Variants in KCNIP4 observed in about 807,000 individuals in gnomAD.
KCNIP4 encodes potassium voltage-gated channel interacting protein 4, also known as Kv channel-interacting protein 4.
In KCNIP4, 12 loss-of-function variants were observed where a neutral mutation model predicts 34.0. That is an observed-to-expected ratio of 0.35 (90% CI 0.23 to 0.57). The LOEUF is 0.57. Ranked by LOEUF, KCNIP4 falls within the 20% of genes least tolerant of loss-of-function variation. KCNIP4 has a pLI of 0.83. For missense variants in KCNIP4, 238 were observed against 311.7 expected, an observed-to-expected ratio of 0.76 and a Z score of 1.78; for synonymous variants, 124 against 102.2, an observed-to-expected ratio of 1.21 and a Z score of -1.29.
At chr4:21,263,544 G>A (rs1334622266) in intron 1 of KCNIP4, among the ~76,000 whole-genome samples, 1 of 152,188 alleles carries the variant, frequency 6.6e-6, no homozygotes, top group Non-Finnish European at 1.5e-5. Flanking sequence ...ACTTATTTGA[G>A]CCACTACTCA....
At chr4:21,870,874 C>T (rs1158919604) in intron 1 of KCNIP4, among the ~76,000 whole-genome samples, 2 of 152,032 alleles carry the variant, frequency 1.3e-5, no homozygotes, top group African/African-American at 4.8e-5. Context: ...CAAGATGAGG[C>T]ACATGAAGCA....
At chr4:21,843,524 T>C (rs1723817747) in intron 1 of KCNIP4, 1 of 152,034 alleles carries the variant, frequency 6.6e-6, no homozygotes, top group Non-Finnish European at 1.5e-5. Flanking sequence ...AAGTGGGTCA[T>C]AAGACCCTCA....
intron 1 of KCNIP4, among the ~76,000 whole-genome samples, chr4:21,078,949 C>A (rs146328275): frequency 6.6e-6 from 1 of 152,236 alleles, no homozygotes; most frequent in African/African-American, 2.4e-5. Context: ...TCCTCTTTCA[C>A]TCCATGCTTT....
At chr4:21,947,577 C>T (rs1730577116) in intron 1 of KCNIP4, among the ~76,000 whole-genome samples, 1 of 152,176 alleles carries the variant, frequency 6.6e-6, no homozygotes, top group Non-Finnish European at 1.5e-5. Flanking sequence ...GTTGAGGTGA[C>T]TCCATTTCCC....
chr4:20,771,989 G>T (rs1197917852), intron 3 of KCNIP4, among the ~76,000 whole-genome samples: 1 of 152,126 alleles, frequency 6.6e-6, no homozygotes, highest in East Asian at 1.9e-4. Flanking sequence ...TAAATTTAAT[G>T]ATCATTCGTG....
intron 1 of KCNIP4, among the ~76,000 whole-genome samples, chr4:21,177,819 G>C (rs12501891): frequency 6.7e-6 from 1 of 150,012 alleles, no homozygotes; most frequent in Non-Finnish European, 1.5e-5. Context: ...TTGCACTCCA[G>C]GCTGGGCAAC....
chr4:21,808,543 T>G (rs1328046077), intron 1 of KCNIP4, among the ~76,000 whole-genome samples: 2 of 152,212 alleles, frequency 1.3e-5, no homozygotes, highest in African/African-American at 4.8e-5. Context: ...TTATGTCATC[T>G]GCAAAGCTTC....
intron 1 of KCNIP4, among the ~76,000 whole-genome samples, chr4:21,632,793 G>A (rs966320723): frequency 3.3e-5 from 5 of 152,236 alleles, no homozygotes; most frequent in East Asian, 3.9e-4. Context: ...AGGAGATGGA[G>A]GTCCAGCGTA....
At chr4:21,715,046 T>A (rs373666984) in intron 1 of KCNIP4, among the ~76,000 whole-genome samples, 1 of 15,920 alleles carries the variant, frequency 6.3e-5, no homozygotes, top group Non-Finnish European at 8.4e-5. Context: ...TTTATTTTAT[T>A]TTATTTTATT....
intron 5 of KCNIP4, among the ~76,000 whole-genome samples, chr4:20,740,550 G>A (rs1750816764): frequency 2.0e-5 from 3 of 152,144 alleles, no homozygotes; most frequent in African/African-American, 7.2e-5. Context: ...CGCCAGGCCT[G>A]CCTTACAAGA....
At chr4:21,836,736 C>A (rs1407940001) in intron 1 of KCNIP4, among the ~76,000 whole-genome samples, 1 of 151,926 alleles carries the variant, frequency 6.6e-6, no homozygotes. Context: ...CCCAGAAGAG[C>A]CCAGCAAATG....
chr4:21,743,123 A>T (rs1054820357), intron 1 of KCNIP4, among the ~76,000 whole-genome samples: 4 of 152,190 alleles, frequency 2.6e-5, no homozygotes, highest in African/African-American at 4.8e-5. Flanking sequence ...TACTGTAATG[A>T]ATTATCACAA....
At chr4:21,230,734 G>A (rs1013999258) in intron 1 of KCNIP4, among the ~76,000 whole-genome samples, 2 of 152,098 alleles carry the variant, frequency 1.3e-5, no homozygotes, top group Non-Finnish European at 2.9e-5. Flanking sequence ...TGCTGTATAT[G>A]TACCACATTT....
chr4:20,864,070 A>G (rs572250292), intron 2 of KCNIP4, among the ~76,000 whole-genome samples: 1 of 151,498 alleles, frequency 6.6e-6, no homozygotes, highest in South Asian at 2.1e-4. Flanking sequence ...ATGTATGTAT[A>G]CGTATGTATG....
chr4:21,079,367 G>A lies in KCNIP4; in HGVS notation c.62-196658C>T, dbSNP rs888840932. On this transcript the variant is annotated intron_variant, in intron 1 of 8. Coordinates refer to ENST00000382152, the MANE Select transcript of KCNIP4 (RefSeq NM_025221.6). ...AGATTATATATTTAAAATTAGTTGG[G>A]AAACATAACTATCCTACTGTTAAAC... Among the ~76,000 whole-genome samples the A allele has an allele frequency of 8.6e-5, 13 of 152,020 alleles. No individual in the cohort carries two copies. In the East Asian group the frequency reaches 2.5e-3, roughly 29 times the overall value.
chr4:21,836,368 C>G (rs894479681), intron 1 of KCNIP4, among the ~76,000 whole-genome samples: 1 of 152,192 alleles, frequency 6.6e-6, no homozygotes, highest in African/African-American at 2.4e-5. Flanking sequence ...GAGATAATTG[C>G]CTCTCCACTA....
rs71655619 is a variant in KCNIP4, at chr4:21,193,571, A to ATTTTTTTT, written c.62-310870_62-310863dup. On this transcript the variant is annotated intron_variant, in intron 1 of 8. Transcript: ENST00000382152. ...TATGGATCACTTATTGCAATTTTAAATTTTTTTTTTTTTTTTTTTTGAGAC... is the reference window on the plus strand; with the variant it reads ...TATGGATCACTTATTGCAATTTTAAATTTTTTTTTTTTTTTTTTTTTTTTTTTTGAGAC... Among the ~76,000 whole-genome samples, 207 of 119,218 alleles carry ATTTTTTTT rather than the reference A, an allele frequency of 1.7e-3. 6 individuals carry two copies. The highest frequency in any genetic ancestry group is 6.2e-3 in the African/African-American group (173 of 28,024). The allele number at this position is 119,218 out of a possible 152,430, so 78.2% of individuals were successfully genotyped here. A position where few individuals can be genotyped will look rare whatever the true frequency, so the allele number is the denominator to read the frequency against.
chr4:21,075,910 C>G (rs545538118), intron 1 of KCNIP4, among the ~76,000 whole-genome samples: 21 of 152,230 alleles, frequency 1.4e-4, no homozygotes, highest in African/African-American at 4.8e-4. Context: ...CTTAGTTTGG[C>G]TGGATATGAA....
chr4:21,648,939 A>T lies in KCNIP4; in HGVS notation c.61+299632T>A, dbSNP rs141144087. Among the ~76,000 whole-genome samples the T allele has an allele frequency of 3.1e-3, 474 of 152,248 alleles. 1 individual carries two copies. The highest frequency in any genetic ancestry group is 6.6e-3 in the South Asian group (32 of 4,822). Reference sequence around the variant, plus strand: ...CCTGTCCCTCCTGTTTGAACATTTTATGGAATGTCAGTTTGGTTATAATTA... The same window carrying T: ...CCTGTCCCTCCTGTTTGAACATTTTTTGGAATGTCAGTTTGGTTATAATTA... On this transcript the variant is annotated intron_variant, in intron 1 of 8. Coordinates refer to ENST00000382152, the MANE Select transcript of KCNIP4 (RefSeq NM_025221.6).
Sources: allele counts gnomAD v4.1 joint callset (sites outside exome capture counted in the v4.1 genomes callset), GRCh38; gene constraint gnomAD v4.1.1; transcripts MANE v1.5; gene names NCBI Gene and HGNC (gene_info 2026-07-23, HGNC 2026-07-21).